The following TRIM36 variants were observed in gnomAD, a reference collection of about 807,000 sequenced individuals.
TRIM36 encodes E3 ubiquitin-protein ligase TRIM36.
In TRIM36, 42 loss-of-function variants were observed where a neutral mutation model predicts 72.4. That is an observed-to-expected ratio of 0.58 (90% CI 0.45 to 0.75). The LOEUF (loss-of-function observed/expected upper bound fraction) is 0.75, where lower values mean the gene tolerates loss of function less well. TRIM36 is among the 30% of genes least tolerant of loss of function. The pLI, the probability that TRIM36 is intolerant of heterozygous loss-of-function variation, is 0.00. For synonymous variants in TRIM36, 315 were observed against 282.8 expected, an observed-to-expected ratio of 1.11 and a Z score of -1.14; for missense variants, 913 against 857.1, an observed-to-expected ratio of 1.07 and a Z score of -0.81.
chr5:115,136,904 G>T, intron 7 of TRIM36, 96 bp downstream of exon 7: 1 of 1,290,356 alleles, frequency 7.7e-7, no homozygotes, highest in Non-Finnish European at 1.0e-6. Context: ...GTGAGATGCT[G>T]CTTTATAATG....
intron 4 of TRIM36, among the ~76,000 whole-genome samples, chr5:115,143,222 CAAAAAAAAAAA>C (rs59083853): frequency 1.0e-3 from 60 of 57,488 alleles, no homozygotes; most frequent in East Asian, 1.7e-3. Context: ...ACCAGCCAGA[CAAAAAAAAAAA>C]AAAAAAAAAA....
intron 5 of TRIM36, 81 bp from the exon 6 acceptor site, chr5:115,137,697 A>C: frequency 7.1e-7 from 1 of 1,410,308 alleles, no homozygotes; most frequent in Non-Finnish European, 9.4e-7. Flanking sequence ...GCTTTCCACA[A>C]AGTTCTACAT....
rs769239119 is a variant in TRIM36 at position 115,130,717 on chromosome 5, A to C, written c.1671T>G (p.Ile557Met). ...SLDYIIGDTG[I>M]TKGKHFWAFR... ...AGGCCCAGAAGTGTTTTCCTTTTGT[A>C]ATGCCAGTATCTCCAATGATGTAGT... The change falls in exon 9 of 10, where the codon ATT (isoleucine) becomes ATG (methionine). Residue 557 changes from isoleucine to methionine, a missense_variant. Coordinates refer to ENST00000513154, the MANE Select transcript of TRIM36 (RefSeq NM_001300759.2). The C allele has an allele frequency of 1.2e-6, 2 of 1,614,060 alleles. No individual in the cohort carries two copies. The highest frequency in any genetic ancestry group is 3.3e-5 in the Admixed American group (2 of 59,994).
chr5:115,133,651 A>T (rs1752806866), intron 8 of TRIM36, among the ~76,000 whole-genome samples: 1 of 152,112 alleles, frequency 6.6e-6, no homozygotes, highest in African/African-American at 2.4e-5. Context: ...ATCAGTTAAA[A>T]CCCAATCCTG....
upstream of TRIM36, among the ~76,000 whole-genome samples, chr5:115,173,140 G>A (rs897260093): frequency 6.6e-6 from 1 of 152,088 alleles, no homozygotes; most frequent in South Asian, 2.1e-4. Context: ...TTTCAGCATC[G>A]AAATATCCCA....
Position 115,169,518 on chromosome 5 carries a change from C to A in TRIM36, c.27+90G>T, listed in dbSNP as rs531697911. The stretch of plus-strand genomic sequence containing the variant: ...CTGCCTTTGCTCTCCCGGGAGGAGG[C>A]TCCCTCCGGGCTCCCGGCGGAGGAA... On this transcript the variant is annotated intron_variant, in intron 1 of 9. Coordinates refer to ENST00000513154, the MANE Select transcript of TRIM36 (RefSeq NM_001300759.2). 1,038 of 1,378,246 alleles carry A rather than the reference C, an allele frequency of 7.5e-4. 9 individuals carry two copies. Among genetic ancestry groups the A allele is most frequent in the South Asian group, 3.3e-3 (250 of 74,762 alleles). 85.4% of individuals were successfully genotyped at this position (1,378,246 alleles called of 1,614,324 possible).
Position 115,133,870 on chromosome 5 carries a change from A to C in TRIM36, c.1488T>G (p.Pro496=), listed in dbSNP as rs137900087. Residue 496 remains proline (P), a synonymous_variant, in exon 8 of 10, where the codon CCT becomes CCG. Transcript: ENST00000513154. ...TGATATTCACCATACCTGGAGCTGG[A>C]GGAGTATGAAGAATCAATTCTCTGC... ...PCSRELILHT[P]PAPVFSFLFD... is the part of the protein sequence containing the mutation. 177 of 1,591,650 alleles carry C rather than the reference A, an allele frequency of 1.1e-4. No individual in the cohort carries two copies. The highest frequency in any genetic ancestry group is 1.4e-4 in the Non-Finnish European group (162 of 1,169,820).
chr5:115,152,500 G>A lies in TRIM36; in HGVS notation c.263-5106C>T, dbSNP rs531438009. ...CAGCCTTGCTAGAGACCTAGATATC[G>A]AAATACAAAAAGCACAAAGAACACC... On this transcript the variant is annotated intron_variant, in intron 2 of 9. Coordinates refer to ENST00000513154, the MANE Select transcript of TRIM36 (RefSeq NM_001300759.2). Among the ~76,000 whole-genome samples the A allele has an allele frequency of 9.2e-5, 14 of 152,216 alleles. No homozygotes were observed. In the East Asian group the frequency reaches 1.4e-3, roughly 15 times the overall value.
In TRIM36 at chr5:115,147,184, C is replaced by G. The variant is rs778256210; in HGVS notation, c.473G>C (p.Ser158Thr). 6 of 1,614,174 alleles carry G rather than the reference C, an allele frequency of 3.7e-6. 1 individual carries two copies. The South Asian group carries it at 6.6e-5, about 18-fold the overall frequency. The change falls in exon 3 of 10, where the codon AGC (serine) becomes ACC (threonine). Residue 158 changes from serine (S) to threonine (T), a missense_variant. Transcript: ENST00000513154. ...GTAACTTGCACTACAGTCCATGCAG[C>G]TTTTTGTGGATTCTTGAGGTGGTGG... ...CKPPPQESTK[S>T]CMDCSASYCN...
intron 3 of TRIM36, among the ~76,000 whole-genome samples, chr5:115,146,708 A>C (rs1753613232): frequency 6.6e-6 from 1 of 152,234 alleles, no homozygotes; most frequent in Non-Finnish European, 1.5e-5. Flanking sequence ...TTAAGCAATT[A>C]TGGATTTATG....
chr5:115,177,216 ATACTT>A (rs551779077), intron 1 of TRIM36: 1 of 153,452 alleles, frequency 6.5e-6, no homozygotes, highest in Non-Finnish European at 1.5e-5. Context: ...TGAAGTTTGA[ATACTT>A]TACAACAAGC....
intron 4 of TRIM36, 84 bp downstream of exon 4, chr5:115,144,514 A>G (rs1304906701): frequency 6.5e-7 from 1 of 1,536,138 alleles, no homozygotes; most frequent in Non-Finnish European, 8.9e-7. Flanking sequence ...ACCATATAAC[A>G]CACCATGATT....
intron 8 of TRIM36, among the ~76,000 whole-genome samples, chr5:115,132,016 A>G (rs1752707752): frequency 6.6e-6 from 1 of 152,278 alleles, no homozygotes; most frequent in East Asian, 1.9e-4. Context: ...AAAACTGTTA[A>G]GATAATACAT....
intron 4 of TRIM36, among the ~76,000 whole-genome samples, chr5:115,143,539 G>C (rs1167144761): frequency 1.3e-5 from 2 of 151,670 alleles, no homozygotes; most frequent in Non-Finnish European, 2.9e-5. Flanking sequence ...AAACAGATGA[G>C]AGAATTAGTA....
intron 5 of TRIM36, 120 bp from the exon 6 acceptor site, chr5:115,137,736 A>G (rs1580651586): frequency 1.7e-6 from 2 of 1,158,618 alleles, no homozygotes; most frequent in East Asian, 5.1e-5. Context: ...TGATGACAGC[A>G]TTATCAAAAT....
At position 115,163,442 on chromosome 5, in the gene TRIM36, T is replaced by C. The variant is rs1754592013; in HGVS notation, c.262+76A>G. 2.4e-6 allele frequency: 3 copies of C among 1,246,664 alleles called. No homozygotes were observed. In the Admixed American group the frequency reaches 6.0e-5, roughly 25 times the overall value. 77.2% of individuals were successfully genotyped at this position (1,246,664 alleles called of 1,614,324 possible). A position where few individuals can be genotyped will look rare whatever the true frequency, so the allele number is the denominator to read the frequency against. On this transcript the variant is annotated intron_variant, in intron 2 of 9. Coordinates refer to ENST00000513154, the MANE Select transcript of TRIM36 (RefSeq NM_001300759.2). ...ACTCTCAAGATGACAAAAATAATTTTCCTTCCAGTTACCACTGAATATATA... is the reference window on the plus strand; with the variant it reads ...ACTCTCAAGATGACAAAAATAATTTCCCTTCCAGTTACCACTGAATATATA...
At chr5:115,156,662 C>G (rs966738019) in intron 2 of TRIM36, among the ~76,000 whole-genome samples, 3 of 152,142 alleles carry the variant, frequency 2.0e-5, no homozygotes, top group African/African-American at 7.2e-5. Flanking sequence ...ATACAAAAAT[C>G]AACTCAAGAT....
At chr5:115,172,205 G>A (rs963466143), upstream of TRIM36, among the ~76,000 whole-genome samples, 2 of 151,708 alleles carry the variant, frequency 1.3e-5, no homozygotes, top group Admixed American at 6.6e-5. Context: ...TCGTATGTTG[G>A]TACAGCTTAT....
chr5:115,169,591 G>C lies in TRIM36; in HGVS notation c.27+17C>G. On this transcript the variant is annotated intron_variant, in intron 1 of 9. Coordinates refer to ENST00000513154, the MANE Select transcript of TRIM36 (RefSeq NM_001300759.2). The stretch of plus-strand genomic sequence containing the variant: ...CACCGCCCTCGAGGTGGGGGCGGCG[G>C]TCCCCTCCGCACTCACCGGCGAATC... The C allele has an allele frequency of 1.3e-6, 2 of 1,508,578 alleles. No individual in the cohort carries two copies. Among genetic ancestry groups the C allele is most frequent in the Non-Finnish European group, 1.8e-6 (2 of 1,131,688 alleles). 93.4% of individuals were successfully genotyped at this position (1,508,578 alleles called of 1,614,324 possible).
Sources: gnomAD v4.1 joint callset for allele counts (sites outside exome capture counted in the v4.1 genomes callset) on GRCh38, gnomAD v4.1.1 for gene constraint, MANE v1.5 for transcripts, NCBI Gene and HGNC (gene_info 2026-07-23, HGNC 2026-07-21) for gene names.